The following MORC1 variants were observed in gnomAD, a reference collection of about 807,000 sequenced individuals.
MORC1 encodes the protein MORC family CW-type zinc finger 1.
MORC1 carries 59 observed loss-of-function variants against 134.9 expected under a neutral mutation model. The ratio of observed to expected loss-of-function variants is 0.44; its 90% CI spans 0.35 to 0.54. The LOEUF (loss-of-function observed/expected upper bound fraction) is 0.54. MORC1 is among the 20% of genes least tolerant of loss of function. The probability of loss-of-function intolerance (pLI) is 0.00; values close to 1 mark genes in which losing one functional copy is unlikely to be tolerated. For synonymous variants in MORC1, 395 were observed against 391.7 expected, an observed-to-expected ratio of 1.01 and a Z score of -0.10; for missense variants, 947 against 1,134.5, an observed-to-expected ratio of 0.83 and a Z score of 2.37.
At chr3:109,040,407 G>GAAAGA (rs58166584) in intron 14 of MORC1, among the ~76,000 whole-genome samples, 11 of 26,264 alleles carry the variant, frequency 4.2e-4, no homozygotes, top group African/African-American at 1.0e-3. Context: ...AGAAAGAGAA[G>GAAAGA]GAAGGAAGGA....
intron 17 of MORC1, among the ~76,000 whole-genome samples, chr3:109,024,684 G>A (rs910844748): frequency 1.3e-5 from 2 of 152,180 alleles, no homozygotes; most frequent in Admixed American, 1.3e-4. Context: ...TGGAGGAAGA[G>A]AAAACAGGAG....
At chr3:109,091,234 G>C (rs960451384) in intron 8 of MORC1, among the ~76,000 whole-genome samples, 2 of 151,722 alleles carry the variant, frequency 1.3e-5, no homozygotes, top group African/African-American at 2.4e-5. Context: ...CCTGAAGTCA[G>C]GAGTTCAAGA....
chr3:109,105,678 C>CAAA (rs5851645), intron 3 of MORC1, among the ~76,000 whole-genome samples: 1 of 131,416 alleles, frequency 7.6e-6, no homozygotes, highest in Non-Finnish European at 1.6e-5. Context: ...GACCCTGTCT[C>CAAA]AAAAAAAAAA....
chr3:109,092,700 C>T (rs1950755013), intron 8 of MORC1, among the ~76,000 whole-genome samples: 1 of 152,154 alleles, frequency 6.6e-6, no homozygotes, highest in South Asian at 2.1e-4. Context: ...CTTAACATGG[C>T]TACTAGAAAA....
intron 21 of MORC1, among the ~76,000 whole-genome samples, chr3:108,996,694 G>A (rs1163734355): frequency 1.3e-5 from 2 of 152,088 alleles, no homozygotes; most frequent in Non-Finnish European, 1.5e-5. Context: ...TGGCTAAAAG[G>A]CCAAGCACAA....
chr3:109,085,066 T>C (rs765398660), intron 8 of MORC1, among the ~76,000 whole-genome samples: 9 of 151,894 alleles, frequency 5.9e-5, no homozygotes, highest in Non-Finnish European at 8.8e-5. Flanking sequence ...CTAGAAAACA[T>C]TGGGGAAACT....
At position 109,054,881 on chromosome 3, in the gene MORC1, G is replaced by A. The variant is rs1294606089; in HGVS notation, c.1177C>T (p.Leu393Phe). 2.5e-6 allele frequency: 4 copies of A among 1,594,402 alleles called. No individual in the cohort carries two copies. Among genetic ancestry groups the A allele is most frequent in the Non-Finnish European group, 3.4e-6 (4 of 1,175,174 alleles). ...VGSQLKLKSL[L>F]GAGVVGIVNI... ...ACAATTCCAACCACGCCTGCGCCAA[G>A]TCTGAGAAAATATATGCATATTTAA... The change falls in exon 14 of 28, where the codon CTT becomes TTT. Residue 393 changes from leucine to phenylalanine, a missense_variant and splice_region_variant. Physicochemically the swap from Leu to Phe is conservative, Grantham distance 22. Around this residue, in one of 3 missense-constraint regions of MORC1, gnomAD observed 722 missense variants for 817.0 expected, o/e 0.88. Coordinates refer to ENST00000232603, the MANE Select transcript of MORC1 (RefSeq NM_014429.4).
intron 13 of MORC1, among the ~76,000 whole-genome samples, chr3:109,056,376 C>T (rs13060998): frequency 0.15 from 23,298 of 151,966 alleles, 1,966 homozygotes; most frequent in African/African-American, 0.21. Context: ...CACAGGTGCC[C>T]GCCACCACAC....
intron 4 of MORC1, 116 bp from the exon 5 acceptor site, chr3:109,100,623 G>A (rs1000071325): frequency 3.8e-6 from 3 of 782,476 alleles, no homozygotes; most frequent in Non-Finnish European, 6.6e-6. Flanking sequence ...TAGCTCTTGG[G>A]TCAGCCCAGA....
chr3:109,043,188 TGGG>T (rs112162969), intron 14 of MORC1, among the ~76,000 whole-genome samples: 17 of 55,590 alleles, frequency 3.1e-4, no homozygotes, highest in Admixed American at 5.8e-4. Context: ...TGGCAAAATG[TGGG>T]GGGGGGGGGG....
At position 109,008,227 on chromosome 3, in the gene MORC1, A is replaced by G. The variant is rs377150239; in HGVS notation, c.1705-1136T>C. On this transcript the variant is annotated intron_variant, in intron 17 of 27. Coordinates refer to ENST00000232603, the MANE Select transcript of MORC1 (RefSeq NM_014429.4). ...TTTTACTATACAAACAACCTTGTAA[A>G]TAGGTAATTTCACATTTGGGTGAAT... Among the ~76,000 whole-genome samples, 3 of 152,264 alleles carry G rather than the reference A, an allele frequency of 2.0e-5. No homozygotes were observed. The East Asian group carries it at 5.8e-4, about 29-fold the overall frequency.
At chr3:109,034,431 G>A (rs967147300) in intron 15 of MORC1, among the ~76,000 whole-genome samples, 7 of 152,176 alleles carry the variant, frequency 4.6e-5, no homozygotes, top group African/African-American at 9.7e-5. Flanking sequence ...ATCAGTAAGT[G>A]CTGAATGTAA....
intron 3 of MORC1, among the ~76,000 whole-genome samples, chr3:109,108,692 T>C (rs1452620266): frequency 6.6e-6 from 1 of 151,876 alleles, no homozygotes. Flanking sequence ...GGTCAGGAGA[T>C]CAAGACCATC....
At chr3:109,013,244 G>GT (rs1199119472) in intron 17 of MORC1, among the ~76,000 whole-genome samples, 1 of 151,872 alleles carries the variant, frequency 6.6e-6, no homozygotes, top group Non-Finnish European at 1.5e-5. Flanking sequence ...TTTTTTTAGT[G>GT]TATCTGTTTA....
At chr3:109,098,282 G>GT (rs1950864658) in intron 6 of MORC1, among the ~76,000 whole-genome samples, 1 of 151,738 alleles carries the variant, frequency 6.6e-6, no homozygotes. Flanking sequence ...GCTGTTTTTA[G>GT]TTTTTTTTAA....
chr3:108,960,266 G>C (rs1324951786), intron 27 of MORC1, among the ~76,000 whole-genome samples: 1 of 152,156 alleles, frequency 6.6e-6, no homozygotes, highest in African/African-American at 2.4e-5. Flanking sequence ...ACACAATTCT[G>C]ACTGAAAAAT....
intron 21 of MORC1, among the ~76,000 whole-genome samples, chr3:108,999,944 T>C (rs541867098): frequency 9.2e-5 from 14 of 152,318 alleles, no homozygotes; most frequent in African/African-American, 2.9e-4. Flanking sequence ...AAGCATTTCT[T>C]ATATAGTCAG....
chr3:109,061,797 C>T (rs1013603997), intron 11 of MORC1, among the ~76,000 whole-genome samples, 191 bp downstream of exon 11: 3 of 152,164 alleles, frequency 2.0e-5, no homozygotes, highest in East Asian at 1.9e-4. Context: ...AGCCTTGCCC[C>T]GACTTGCTGA....
At chr3:109,010,158 T>A (rs1948649941) in intron 17 of MORC1, among the ~76,000 whole-genome samples, 2 of 152,192 alleles carry the variant, frequency 1.3e-5, no homozygotes, top group South Asian at 4.1e-4. Flanking sequence ...TTTCTCTCTT[T>A]ACCATCTACA....
Sources: gnomAD v4.1 joint callset for allele counts (sites outside exome capture counted in the v4.1 genomes callset) on GRCh38, gnomAD v4.1.1 for gene constraint, gnomAD v4.1.1 regional missense constraint, MANE v1.5 for transcripts, NCBI Gene and HGNC (gene_info 2026-07-23, HGNC 2026-07-21) for gene names.